Variants in ANK2 observed in about 807,000 individuals in gnomAD.
ANK2 encodes the protein ankyrin-2.
A neutral mutation model predicts 360.5 loss-of-function variants in ANK2; 83 were observed. The ratio of observed to expected loss-of-function variants is 0.23; its 90% CI spans 0.19 to 0.28. The LOEUF is 0.28. Among genes scored for constraint, ANK2 ranks in the 10% least tolerant of loss-of-function variants. The probability of loss-of-function intolerance (pLI) is 1.00; values close to 1 mark genes in which losing one functional copy is unlikely to be tolerated. For missense variants in ANK2, 4,201 were observed against 4,795.7 expected (o/e 0.88, Z 3.66); for synonymous variants, 1,740 against 1,759.5 (o/e 0.99, Z 0.28).
chr4:113,198,859 A>G, intron 3 of ANK2, 152 bp from the exon 4 acceptor site: 1 of 660,002 alleles, frequency 1.5e-6, no homozygotes, highest in Non-Finnish European at 2.6e-6. Flanking sequence ...TTGATGGTAA[A>G]AAATAATCTC....
intron 1 of ANK2, among the ~76,000 whole-genome samples, chr4:113,055,047 T>G (rs933774641): frequency 1.3e-4 from 20 of 151,942 alleles, no homozygotes; most frequent in African/African-American, 4.6e-4. Flanking sequence ...ATCAGAACCT[T>G]TGAGGATTTT....
rs1226520548 is a variant in ANK2 at position 113,018,076 on chromosome 4, C to CAAG, written c.21+113564_21+113566dup. On this transcript the variant is annotated intron_variant, in intron 2 of 30. Coordinates refer to the ANK2 transcript ENST00000503271. ...TGATTATACTTCCCTTGAAAAATAA[C>CAAG]AAGATGAAATGTTTAGTGCATTAGA... Among the ~76,000 whole-genome samples the CAAG allele has an allele frequency of 2.0e-5, 3 of 152,152 alleles. No individual in the cohort carries two copies. The East Asian group carries it at 5.8e-4, about 29-fold the overall frequency.
At chr4:113,146,408 C>T (rs2096837672) in intron 1 of ANK2, among the ~76,000 whole-genome samples, 1 of 152,172 alleles carries the variant, frequency 6.6e-6, no homozygotes, top group African/African-American at 2.4e-5. Context: ...AGTCACAGAG[C>T]ATTTTTTTAA....
chr4:112,858,905 C>T (rs934664129), intron 1 of ANK2, among the ~76,000 whole-genome samples: 4 of 152,172 alleles, frequency 2.6e-5, no homozygotes, highest in African/African-American at 9.7e-5. Context: ...GGTCTCCTCC[C>T]GTAAAACCTT....
At chr4:112,780,193 A>C in the ANK2 span, among the ~76,000 whole-genome samples, 12 of 152,038 alleles carry the variant, frequency 7.9e-5, no homozygotes, top group African/African-American at 2.7e-4. Context: ...TCTCAAAAAA[A>C]AAAAAAAAGA....
the ANK2 span, among the ~76,000 whole-genome samples, chr4:112,773,277 G>A: frequency 4.0e-3 from 610 of 152,232 alleles, 4 homozygotes; most frequent in African/African-American, 0.013. Flanking sequence ...TGATCGTGCT[G>A]CTGAACTCCA....
intron 2 of ANK2, among the ~76,000 whole-genome samples, chr4:113,193,674 G>A (rs1191546060): frequency 6.6e-6 from 1 of 152,146 alleles, no homozygotes; most frequent in Non-Finnish European, 1.5e-5. Context: ...TTCATCTTGA[G>A]AAGAGTTCTT....
chr4:112,999,606 CA>C (rs2049892199), intron 2 of ANK2, among the ~76,000 whole-genome samples: 1 of 151,790 alleles, frequency 6.6e-6, no homozygotes. Context: ...TGGTGATTTG[CA>C]GCAATATACT....
At chr4:113,130,796 A>G (rs890728454) in intron 1 of ANK2, among the ~76,000 whole-genome samples, 1 of 152,210 alleles carries the variant, frequency 6.6e-6, no homozygotes, top group South Asian at 2.1e-4. Context: ...TTTGTGTCCT[A>G]AACTTAAACT....
the ANK2 span, among the ~76,000 whole-genome samples, chr4:112,785,674 T>G: frequency 6.6e-6 from 1 of 152,060 alleles, no homozygotes; most frequent in Admixed American, 6.6e-5. Flanking sequence ...CTGGCCTTTT[T>G]GTTTTTTTAA....
At chr4:112,823,358 C>T (rs553173698) in intron 1 of ANK2, among the ~76,000 whole-genome samples, 2 of 152,282 alleles carry the variant, frequency 1.3e-5, no homozygotes, top group Admixed American at 6.5e-5. Flanking sequence ...CCAACACTGT[C>T]TAGCTCAGAA....
At chr4:113,295,992 A>G (rs964027901) in intron 22 of ANK2, among the ~76,000 whole-genome samples, 4 of 151,930 alleles carry the variant, frequency 2.6e-5, no homozygotes, top group Non-Finnish European at 5.9e-5. Context: ...CTTTTCCCAC[A>G]TAATATTTTT....
Position 113,287,624 on chromosome 4 carries a change from A to T in ANK2, c.2099A>T (p.His700Leu). The T allele has an allele frequency of 6.2e-7, 1 of 1,612,484 alleles. No individual in the cohort carries two copies. Among genetic ancestry groups the T allele is most frequent in the Non-Finnish European group, 8.5e-7 (1 of 1,178,674 alleles). Residue 700 changes from histidine (H) to leucine (L), a missense_variant, in exon 19 of 46, where the codon CAC becomes CTC. Coordinates refer to ENST00000357077, the MANE Select transcript of ANK2 (RefSeq NM_001148.6). ...MSTKSGLTSLHLAAQEDKVNV... is the reference protein window; with the variant it reads ...MSTKSGLTSLLLAAQEDKVNV... ...CTGTAGAGTGGACTCACATCCTTAC[A>T]CCTTGCAGCCCAGGAAGATAAAGTG...
chr4:113,067,391 A>G (rs926730761), intron 1 of ANK2, among the ~76,000 whole-genome samples: 4 of 152,156 alleles, frequency 2.6e-5, no homozygotes, highest in Admixed American at 1.3e-4. Flanking sequence ...GGCTGGTGGT[A>G]CTAGCAACTG....
the ANK2 span, among the ~76,000 whole-genome samples, chr4:112,784,040 C>T: frequency 6.6e-6 from 1 of 152,228 alleles, no homozygotes; most frequent in African/African-American, 2.4e-5. Context: ...GCTAAACTAC[C>T]TGCTTAGTAT....
intron 1 of ANK2, among the ~76,000 whole-genome samples, chr4:113,154,927 C>T (rs937649676): frequency 6.6e-6 from 1 of 152,190 alleles, no homozygotes; most frequent in East Asian, 1.9e-4. Flanking sequence ...CTTCCTGGCC[C>T]ATCTTGGTCT....
At chr4:112,713,565 G>A in the ANK2 span, among the ~76,000 whole-genome samples, 115 of 151,890 alleles carry the variant, frequency 7.6e-4, no homozygotes, top group African/African-American at 2.6e-3. Flanking sequence ...GTGAAACACC[G>A]TCTCAAAAAC....
At position 113,353,046 on chromosome 4, in the gene ANK2, T is replaced by C. The variant is rs994948142; in HGVS notation, c.4428T>C (p.Asn1476=). 8 of 1,613,286 alleles carry C rather than the reference T, an allele frequency of 5.0e-6. No individual in the cohort carries two copies. The highest frequency in any genetic ancestry group is 6.8e-6 in the Non-Finnish European group (8 of 1,179,536). Residue 1476 remains asparagine, a splice_region_variant and synonymous_variant, in exon 38 of 46, where the codon AAT becomes AAC. Transcript: ENST00000357077. The part of the protein sequence containing the change: ...EEEIDMTSEK[N]DETESTETSV... ...CAATGTTTTTCATTCACATCAAAGA[T>C]GATGAGACAGAATCTACAGAAACAT...
At chr4:112,990,272 A>G (rs951830924) in intron 2 of ANK2, among the ~76,000 whole-genome samples, 1 of 152,144 alleles carries the variant, frequency 6.6e-6, no homozygotes, top group African/African-American at 2.4e-5. Context: ...CTGTCTCAAT[A>G]GCAATAAAAT....
Sources: gnomAD v4.1 joint callset for allele counts (sites outside exome capture counted in the v4.1 genomes callset) on GRCh38, gnomAD v4.1.1 for gene constraint, MANE v1.5 for transcripts, NCBI Gene and HGNC (gene_info 2026-07-23, HGNC 2026-07-21) for gene names.